TBC1D22A: variants seen among roughly 807,000 people sequenced by gnomAD.
TBC1D22A encodes the protein putative GTPase activator.
A neutral mutation model predicts 60.2 loss-of-function variants in TBC1D22A; 38 were observed. The observed-to-expected ratio is 0.63, with a 90% CI of 0.49 to 0.83. The LOEUF (loss-of-function observed/expected upper bound fraction) is 0.83, where lower values mean the gene tolerates loss of function less well. Ranked by LOEUF, TBC1D22A falls within the 40% of genes least tolerant of loss-of-function variation. TBC1D22A has a pLI of 0.00. For synonymous variants in TBC1D22A, 302 were observed against 281.7 expected, an observed-to-expected ratio of 1.07 and a Z score of -0.72; for missense variants, 628 against 701.0, an observed-to-expected ratio of 0.90 and a Z score of 1.18.
intron 11 of TBC1D22A, among the ~76,000 whole-genome samples, chr22:47,041,853 C>G (rs912208571): frequency 6.6e-6 from 1 of 152,240 alleles, no homozygotes; most frequent in Admixed American, 6.5e-5. Flanking sequence ...CAGCCACAGA[C>G]GTGGACAGCG....
intron 10 of TBC1D22A, among the ~76,000 whole-genome samples, chr22:47,014,774 G>A (rs547710764): frequency 7.4e-4 from 112 of 152,318 alleles, no homozygotes; most frequent in African/African-American, 2.3e-3. Context: ...GGGCTCCAGC[G>A]CGGCCTGTGT....
intron 11 of TBC1D22A, among the ~76,000 whole-genome samples, chr22:47,040,880 G>A (rs879614042): frequency 5.9e-5 from 9 of 152,142 alleles, no homozygotes; most frequent in Non-Finnish European, 1.2e-4. Flanking sequence ...GGCCTCCTGG[G>A]CCTGGGAGGT....
At chr22:46,874,852 G>A (rs2067476866) in intron 4 of TBC1D22A, among the ~76,000 whole-genome samples, 1 of 152,150 alleles carries the variant, frequency 6.6e-6, no homozygotes, top group South Asian at 2.1e-4. Context: ...AGGATTACAG[G>A]CGTGAGCCAC....
rs1377149927 is a variant in TBC1D22A at position 46,905,481 on chromosome 22, G to A, written c.901-6593G>A. On this transcript the variant is annotated intron_variant, in intron 7 of 12. Transcript: ENST00000337137. ...AGCAGATTGATTTGGGTCCGTGCAG[G>A]GTGTCCTGAGTAGCCATCCCCTGGG... 3.9e-5 allele frequency among the ~76,000 whole-genome samples: 6 copies of A among 152,312 alleles called. 1 individual carries two copies. The highest frequency in any genetic ancestry group is 1.4e-4 in the African/African-American group (6 of 41,580).
chr22:47,173,581 C>A lies in TBC1D22A; in HGVS notation c.1509C>A (p.Arg503=). The A allele has an allele frequency of 6.2e-7, 1 of 1,614,164 alleles. No individual in the cohort carries two copies. The highest frequency in any genetic ancestry group is 8.5e-7 in the Non-Finnish European group (1 of 1,180,028). Residue 503 remains arginine, a synonymous_variant, in exon 13 of 13, where the codon CGC becomes CGA. Transcript: ENST00000337137. ...GCCTGTTGCTGGCCGAGGCCTACCGCCTCAAGTTTGCTTTTGCCGACGCCC... is the reference window on the plus strand; with the variant it reads ...GCCTGTTGCTGGCCGAGGCCTACCGACTCAAGTTTGCTTTTGCCGACGCCC... ...DISLLLAEAY[R]LKFAFADAPN...
intron 11 of TBC1D22A, among the ~76,000 whole-genome samples, chr22:47,078,267 C>T (rs1428493378): frequency 3.9e-5 from 6 of 152,176 alleles, no homozygotes; most frequent in Admixed American, 1.3e-4. Context: ...TCTCTTCCCT[C>T]TGCCCTTGGT....
intron 4 of TBC1D22A, among the ~76,000 whole-genome samples, chr22:46,834,642 G>A (rs2086443181): frequency 6.6e-6 from 1 of 152,216 alleles, no homozygotes; most frequent in Admixed American, 6.5e-5. Context: ...CTAAGAGCAA[G>A]GAAAAGGGGC....
chr22:46,805,854 T>A (rs1186907363), intron 4 of TBC1D22A, among the ~76,000 whole-genome samples: 2 of 149,986 alleles, frequency 1.3e-5, no homozygotes, highest in African/African-American at 4.9e-5. Flanking sequence ...CTTCTTCTTC[T>A]TTTTTTTCTT....
At chr22:47,141,845 TC>T (rs1428409477) in intron 12 of TBC1D22A, among the ~76,000 whole-genome samples, 1 of 152,234 alleles carries the variant, frequency 6.6e-6, no homozygotes, top group Non-Finnish European at 1.5e-5. Flanking sequence ...AATATCAAAT[TC>T]CACTAGTTCC....
chr22:46,795,225 G>A (rs1038912117), intron 3 of TBC1D22A, among the ~76,000 whole-genome samples: 2 of 152,234 alleles, frequency 1.3e-5, no homozygotes, highest in Non-Finnish European at 2.9e-5. Context: ...CCTGGGCAGC[G>A]CCCTTCAGCC....
chr22:46,792,973 G>T (rs962265641), intron 2 of TBC1D22A, among the ~76,000 whole-genome samples: 1 of 152,272 alleles, frequency 6.6e-6, no homozygotes, highest in Admixed American at 6.5e-5. Context: ...AGGCGGGAGC[G>T]CAGAGTGTGG....
At chr22:47,079,033 G>A (rs1044841040) in intron 11 of TBC1D22A, among the ~76,000 whole-genome samples, 1 of 151,686 alleles carries the variant, frequency 6.6e-6, no homozygotes, top group African/African-American at 2.4e-5. Context: ...GCTACTTTAC[G>A]TGGCTTGGGG....
At chr22:46,971,608 T>C (rs1221591970) in intron 8 of TBC1D22A, among the ~76,000 whole-genome samples, 1 of 152,186 alleles carries the variant, frequency 6.6e-6, no homozygotes, top group Non-Finnish European at 1.5e-5. Flanking sequence ...TTGCTTGGCT[T>C]TTGCTGCCGG....
At chr22:47,003,539 C>T (rs1052453671) in intron 10 of TBC1D22A, among the ~76,000 whole-genome samples, 3 of 145,868 alleles carry the variant, frequency 2.1e-5, no homozygotes, top group African/African-American at 8.0e-5. Context: ...ACCCTACACA[C>T]ACATGCCTGT....
intron 9 of TBC1D22A, among the ~76,000 whole-genome samples, chr22:46,977,498 G>A (rs1340166116): frequency 6.6e-6 from 1 of 152,108 alleles, no homozygotes; most frequent in Non-Finnish European, 1.5e-5. Context: ...CAGAATGCTG[G>A]GAGAGGAGGC....
rs1602079167 is a variant in TBC1D22A at position 46,836,054 on chromosome 22, G to A, written c.637+38434G>A. ...GTGGAGATTCATTACTGCTAGACCT[G>A]CTTTAAAAGAACTATGAAAGGGAGT... is the stretch of plus-strand genomic sequence containing the variant. On this transcript the variant is annotated intron_variant, in intron 4 of 12. Coordinates refer to ENST00000337137, the MANE Select transcript of TBC1D22A (RefSeq NM_014346.5). Among the ~76,000 whole-genome samples, 3 of 152,310 alleles carry A rather than the reference G, an allele frequency of 2.0e-5. No homozygotes were observed. In the East Asian group the frequency reaches 5.8e-4, roughly 29 times the overall value.
intron 5 of TBC1D22A, among the ~76,000 whole-genome samples, chr22:46,884,937 G>T (rs544002044): frequency 1.8e-4 from 27 of 152,324 alleles, no homozygotes; most frequent in African/African-American, 6.5e-4. Context: ...GGCCAGGCCC[G>T]CAGGAGCCGT....
intron 4 of TBC1D22A, among the ~76,000 whole-genome samples, chr22:46,845,630 C>T (rs1335622775): frequency 6.6e-6 from 1 of 152,184 alleles, no homozygotes; most frequent in Non-Finnish European, 1.5e-5. Flanking sequence ...TCTAGTTTAT[C>T]ATATCTATCA....
intron 4 of TBC1D22A, among the ~76,000 whole-genome samples, chr22:46,846,196 A>C (rs1028482388): frequency 3.9e-5 from 6 of 152,192 alleles, no homozygotes; most frequent in African/African-American, 1.4e-4. Context: ...TCTCAACAGC[A>C]CACATATACC....
Sources: gnomAD v4.1 joint callset for allele counts (sites outside exome capture counted in the v4.1 genomes callset) on GRCh38, gnomAD v4.1.1 for gene constraint, MANE v1.5 for transcripts, NCBI Gene and HGNC (gene_info 2026-07-23, HGNC 2026-07-21) for gene names.